Variants in SWT1 observed in about 807,000 individuals in gnomAD.
SWT1 encodes transcriptional protein SWT1.
In SWT1, 33 loss-of-function variants were observed where a neutral mutation model predicts 107.3. The observed-to-expected ratio is 0.31, with a 90% CI of 0.23 to 0.41. The LOEUF (loss-of-function observed/expected upper bound fraction) is 0.41, where lower values mean the gene tolerates loss of function less well. SWT1 is among the 10% of genes least tolerant of loss of function. SWT1 has a pLI of 1.00. For missense variants in SWT1, 898 were observed against 1,028.9 expected (o/e 0.87, Z 1.74); for synonymous variants, 345 against 348.3 (o/e 0.99, Z 0.11).
intron 15 of SWT1, chr1:185,227,432 C>T (rs1481673146): frequency 4.7e-6 from 3 of 642,906 alleles, no homozygotes; most frequent in Non-Finnish European, 5.8e-6. Context: ...TCAGGCCAGC[C>T]TTCATACCAT....
At chr1:185,211,769 T>C (rs572488724) in intron 13 of SWT1, among the ~76,000 whole-genome samples, 3,058 of 152,206 alleles carry the variant, frequency 0.02, 43 homozygotes, top group Non-Finnish European at 0.035. Flanking sequence ...ATGTTTATTG[T>C]GGCACTATTC....
At chr1:185,274,921 T>G (rs1288775575) in intron 17 of SWT1, among the ~76,000 whole-genome samples, 3 of 152,202 alleles carry the variant, frequency 2.0e-5, no homozygotes, top group African/African-American at 7.2e-5. Flanking sequence ...TGTGCTTCAG[T>G]TTTTCTTTAT....
chr1:185,165,028 G>C (rs1024284579), intron 2 of SWT1, among the ~76,000 whole-genome samples: 3 of 152,074 alleles, frequency 2.0e-5, no homozygotes, highest in Non-Finnish European at 4.4e-5. Flanking sequence ...CCTTTCACTT[G>C]AACACTTAGA....
intron 16 of SWT1, among the ~76,000 whole-genome samples, chr1:185,240,980 G>T (rs550522627): frequency 6.6e-6 from 1 of 152,144 alleles, no homozygotes; most frequent in South Asian, 2.1e-4. Context: ...ATGCTTCAAA[G>T]ATACTGATTT....
intron 4 of SWT1, chr1:185,171,840 T>G: frequency 3.0e-6 from 1 of 332,264 alleles, no homozygotes; most frequent in Non-Finnish European, 5.8e-6. Context: ...GCCTCCCAAG[T>G]AAGTAGCTGG....
chr1:185,176,683 G>A lies in SWT1; in HGVS notation c.966+1570G>A, dbSNP rs995053379. 4.1e-6 allele frequency: 4 copies of A among 985,192 alleles called. No homozygotes were observed. In the African/African-American group the frequency reaches 7.0e-5, roughly 17 times the overall value. The allele number at this position is 985,192 out of a possible 1,614,324, so 61.0% of individuals were successfully genotyped here. A position where few individuals can be genotyped will look rare whatever the true frequency, so the allele number is the denominator to read the frequency against. ...GATGGTTAAGCCTACCTGCTTTTAGGTATTAAGACTGTGGACTGTGGCCAG... is the reference window on the plus strand; with the variant it reads ...GATGGTTAAGCCTACCTGCTTTTAGATATTAAGACTGTGGACTGTGGCCAG... On this transcript the variant is annotated intron_variant, in intron 5 of 18. Transcript: ENST00000367500.
intron 16 of SWT1, among the ~76,000 whole-genome samples, chr1:185,261,949 G>A (rs1006697287): frequency 6.6e-6 from 1 of 152,180 alleles, no homozygotes; most frequent in South Asian, 2.1e-4. Flanking sequence ...TAATAGGCTT[G>A]TGTCTCAGCC....
chr1:185,267,419 C>A (rs939209314), intron 16 of SWT1, among the ~76,000 whole-genome samples: 2 of 152,146 alleles, frequency 1.3e-5, no homozygotes, highest in Non-Finnish European at 2.9e-5. Flanking sequence ...AAAGCAGGGT[C>A]AGACTTAAGT....
intron 2 of SWT1, among the ~76,000 whole-genome samples, chr1:185,165,642 T>G (rs1392003406): frequency 6.6e-6 from 1 of 152,198 alleles, no homozygotes; most frequent in African/African-American, 2.4e-5. Context: ...CTAAATACTT[T>G]CCAGTGTTTT....
intron 18 of SWT1, among the ~76,000 whole-genome samples, chr1:185,279,378 G>A (rs181159741): frequency 6.6e-6 from 1 of 152,178 alleles, no homozygotes; most frequent in Admixed American, 6.5e-5. Flanking sequence ...CAGGAGTCAG[G>A]TCAAATGTTC....
chr1:185,195,941 T>TTG (rs1448554254), intron 10 of SWT1, among the ~76,000 whole-genome samples: 2 of 152,244 alleles, frequency 1.3e-5, no homozygotes, highest in Non-Finnish European at 2.9e-5. Flanking sequence ...ATTCTGTAGG[T>TTG]TGCTTGTTAA....
intron 16 of SWT1, among the ~76,000 whole-genome samples, chr1:185,256,534 T>C (rs1662541722): frequency 6.7e-6 from 1 of 149,342 alleles, no homozygotes; most frequent in African/African-American, 2.5e-5. Context: ...ATTCATTTCA[T>C]CTTCCATTGC....
intron 13 of SWT1, among the ~76,000 whole-genome samples, 177 bp from the exon 14 acceptor site, chr1:185,214,330 C>T (rs984055255): frequency 6.6e-6 from 1 of 152,304 alleles, no homozygotes; most frequent in South Asian, 2.1e-4. Context: ...AGGACTTTAT[C>T]TATAACTAAA....
At chr1:185,215,799 C>A (rs1021420915) in intron 14 of SWT1, among the ~76,000 whole-genome samples, 13 of 152,124 alleles carry the variant, frequency 8.5e-5, no homozygotes, top group African/African-American at 3.1e-4. Flanking sequence ...CTCAGCCTCC[C>A]AAAGTGTTGG....
At chr1:185,202,541 G>A (rs928056984) in intron 10 of SWT1, 113 bp from the exon 11 acceptor site, 24 of 835,828 alleles carry the variant, frequency 2.9e-5, no homozygotes, top group Non-Finnish European at 4.3e-5. Context: ...TCTTTCTTAA[G>A]GTATAGGCTG....
chr1:185,184,923 A>T lies in SWT1; in HGVS notation c.1421A>T (p.Gln474Leu). 6.8e-7 allele frequency: 1 copy of T among 1,461,134 alleles called. No homozygotes were observed. The highest frequency in any genetic ancestry group is 1.5e-5 in the South Asian group (1 of 65,974). The allele number at this position is 1,461,134 out of a possible 1,614,324, so 90.5% of individuals were successfully genotyped here. ...LWGQSIQLASQKHYGLSDENN... is the reference protein window; with the variant it reads ...LWGQSIQLASLKHYGLSDENN... ...GGTCAGTCAATACAACTTGCATCCC[A>T]AAAACATTGTAAGTATTGTTCTCTC... The change falls in exon 9 of 19, where the codon CAA (glutamine) becomes CTA (leucine). Residue 474 changes from glutamine to leucine, a missense_variant. Coordinates refer to ENST00000367500, the MANE Select transcript of SWT1 (RefSeq NM_017673.7).
At position 185,169,194 on chromosome 1, in the gene SWT1, G is replaced by T. The variant is rs145460398; in HGVS notation, c.224+796G>T. Among the ~76,000 whole-genome samples the T allele has an allele frequency of 4.0e-3, 603 of 150,868 alleles. 1 individual carries two copies. Among genetic ancestry groups the T allele is most frequent in the South Asian group, 0.021 (98 of 4,770 alleles). ...TGCTTCTGTGTTATTCTCTGTTGAA[G>T]TATATTCTTGCACTAATTTCATATT... On this transcript the variant is annotated intron_variant, in intron 4 of 18. Coordinates refer to ENST00000367500, the MANE Select transcript of SWT1 (RefSeq NM_017673.7).
chr1:185,289,449 G>A (rs1176423783), intron 18 of SWT1, among the ~76,000 whole-genome samples: 2 of 152,130 alleles, frequency 1.3e-5, no homozygotes, highest in African/African-American at 4.8e-5. Flanking sequence ...GTAGGAAATG[G>A]GCTTATGTTA....
At chr1:185,271,471 A>G (rs1173094571) in intron 17 of SWT1, 82 bp downstream of exon 17, 1 of 700,418 alleles carries the variant, frequency 1.4e-6, no homozygotes, top group African/African-American at 1.8e-5. Context: ...GGAGTTCTCA[A>G]ACATAGTGGA....
Sources: allele counts gnomAD v4.1 joint callset (sites outside exome capture counted in the v4.1 genomes callset), GRCh38; gene constraint gnomAD v4.1.1; transcripts MANE v1.5; gene names NCBI Gene and HGNC (gene_info 2026-07-23, HGNC 2026-07-21).